METTL25: variants seen among roughly 807,000 people sequenced by gnomAD.
METTL25 encodes the protein probable methyltransferase-like protein 25.
A neutral mutation model predicts 71.6 loss-of-function variants in METTL25; 64 were observed. The observed-to-expected ratio is 0.89, with a 90% confidence interval of 0.73 to 1.10. METTL25 has a LOEUF of 1.10. Ranked by LOEUF, METTL25 falls within the 50% of genes least tolerant of loss-of-function variation. METTL25 has a pLI of 0.00. For missense variants in METTL25, 807 were observed against 707.0 expected, an observed-to-expected ratio of 1.14 and a Z score of -1.60; for synonymous variants, 287 against 250.3, an observed-to-expected ratio of 1.15 and a Z score of -1.38.
At position 82,358,552 on chromosome 12, in the gene METTL25, G is replaced by T. The variant is rs200200219; in HGVS notation, c.-14G>T. 1 of 1,607,798 alleles carries T rather than the reference G, an allele frequency of 6.2e-7. No individual in the cohort carries two copies. Among genetic ancestry groups the T allele is most frequent in the Non-Finnish European group, 8.5e-7 (1 of 1,178,824 alleles). ...CCATGTTTGCGCCACCTACAGCCTC[G>T]GAGGGTGAGCGTCATGGCGGCTTCT... On this transcript the variant is annotated 5_prime_UTR_variant, in exon 1 of 12. Transcript: ENST00000248306.
intron 5 of METTL25, among the ~76,000 whole-genome samples, chr12:82,416,203 C>G (rs1368979513): frequency 2.0e-5 from 3 of 152,050 alleles, no homozygotes; most frequent in Non-Finnish European, 4.4e-5. Context: ...TAAGTATCTC[C>G]TTTACAATTT....
intron 9 of METTL25, among the ~76,000 whole-genome samples, chr12:82,457,794 T>C (rs1891595904): frequency 6.6e-6 from 1 of 152,096 alleles, no homozygotes; most frequent in African/African-American, 2.4e-5. Context: ...TTTTATTTAG[T>C]CACTAAAATG....
At chr12:82,449,759 G>A (rs1055040962) in intron 8 of METTL25, among the ~76,000 whole-genome samples, 3 of 151,958 alleles carry the variant, frequency 2.0e-5, no homozygotes, top group Non-Finnish European at 4.4e-5. Flanking sequence ...TTTATTAAAT[G>A]AAATGGTGTA....
intron 2 of METTL25, chr12:82,388,802 G>A (rs1885302986): frequency 6.6e-6 from 1 of 152,034 alleles, no homozygotes; most frequent in African/African-American, 2.4e-5. Context: ...TGTTTACTAG[G>A]TTAGTATCTG....
At chr12:82,435,897 C>T (rs1889880296) in intron 7 of METTL25, among the ~76,000 whole-genome samples, 1 of 151,300 alleles carries the variant, frequency 6.6e-6, no homozygotes, top group Non-Finnish European at 1.5e-5. Flanking sequence ...ATCTTCTCAT[C>T]AATTGAGATA....
Position 82,419,014 on chromosome 12 carries a change from A to G in METTL25, c.1280-11879A>G, listed in dbSNP as rs536021904. Among the ~76,000 whole-genome samples the G allele has an allele frequency of 1.0e-3, 158 of 152,152 alleles. 1 individual carries two copies. Among genetic ancestry groups the G allele is most frequent in the Admixed American group, 3.5e-3 (53 of 15,254 alleles). On this transcript the variant is annotated intron_variant, in intron 5 of 11. Transcript: ENST00000248306. ...TAAAGCTGGAGAATTTAATGTCAAC[A>G]AGGGATGGTGTGATGATTTTAGAAA...
intron 9 of METTL25, chr12:82,459,848 T>C (rs1429198371): frequency 6.6e-6 from 1 of 152,216 alleles, no homozygotes; most frequent in African/African-American, 2.4e-5. Flanking sequence ...ATAAACATAC[T>C]GAGTCACCTT....
intron 11 of METTL25, among the ~76,000 whole-genome samples, chr12:82,478,473 A>C (rs928681243): frequency 6.6e-6 from 1 of 151,748 alleles, no homozygotes; most frequent in Non-Finnish European, 1.5e-5. Flanking sequence ...TAGTATATTT[A>C]AGGAATCTCT....
intron 5 of METTL25, among the ~76,000 whole-genome samples, chr12:82,430,116 T>G (rs1889366870): frequency 6.6e-6 from 1 of 150,798 alleles, no homozygotes; most frequent in Admixed American, 6.6e-5. Flanking sequence ...ATCTCGACTT[T>G]TTTTTAATTG....
intron 1 of METTL25, 29 bp downstream of exon 1, chr12:82,358,853 G>C (rs751906907): frequency 2.5e-6 from 4 of 1,573,390 alleles, no homozygotes; most frequent in Admixed American, 3.6e-5. Flanking sequence ...GGGGCGGGAA[G>C]GGAGGCGGAG....
At chr12:82,402,893 T>C (rs571923293) in intron 4 of METTL25, 90 bp from the exon 5 acceptor site, 7 of 962,824 alleles carry the variant, frequency 7.3e-6, no homozygotes, top group East Asian at 2.7e-5. Flanking sequence ...CTGGGCAACA[T>C]TGCAAGATCC....
intron 2 of METTL25, among the ~76,000 whole-genome samples, chr12:82,389,262 C>T (rs1321297363): frequency 6.6e-6 from 1 of 152,048 alleles, no homozygotes; most frequent in Admixed American, 6.6e-5. Context: ...AGAACTTCAC[C>T]TGTGGCTAGT....
At chr12:82,470,223 C>T (rs1289060373) in intron 9 of METTL25, among the ~76,000 whole-genome samples, 4 of 152,140 alleles carry the variant, frequency 2.6e-5, no homozygotes, top group East Asian at 1.9e-4. Context: ...CCAAATGTTA[C>T]ATTTCTTAGG....
chr12:82,417,689 T>C (rs755821550), intron 5 of METTL25, among the ~76,000 whole-genome samples: 37 of 152,278 alleles, frequency 2.4e-4, no homozygotes, highest in African/African-American at 6.0e-4. Context: ...CCTGCACTCA[T>C]GTGATTTACC....
chr12:82,436,663 T>G (rs1284903837), intron 7 of METTL25, among the ~76,000 whole-genome samples: 1 of 151,650 alleles, frequency 6.6e-6, no homozygotes, highest in African/African-American at 2.4e-5. Flanking sequence ...TTATGTTATC[T>G]TGTTTAAAAT....
At chr12:82,393,062 T>C (rs1158293144) in intron 3 of METTL25, among the ~76,000 whole-genome samples, 2 of 152,118 alleles carry the variant, frequency 1.3e-5, no homozygotes, top group African/African-American at 2.4e-5. Flanking sequence ...TTAAGTAGTG[T>C]GATGCCTCCA....
intron 8 of METTL25, chr12:82,451,199 A>G: frequency 1.7e-6 from 1 of 583,436 alleles, no homozygotes; most frequent in Middle Eastern, 9.0e-4. Flanking sequence ...ACCTGGGAAG[A>G]AAAGAATTTC....
intron 5 of METTL25, among the ~76,000 whole-genome samples, chr12:82,428,649 C>G (rs1196649498): frequency 6.6e-6 from 1 of 151,786 alleles, no homozygotes; most frequent in East Asian, 1.9e-4. Context: ...TGTTAATGTA[C>G]ATTTATATAG....
rs113882703 is a variant in METTL25, at chr12:82,358,780, T to C, written c.215T>C (p.Leu72Pro). ...AAGTCAGCGTCGGAGACGGAGGCCC[T>C]GCCCTCAGAGACGCGCCCCCTAGTG... ...LRKSASETEA[L>P]PSETRPLVEA... The change falls in exon 1 of 12, where the codon CTG (leucine) becomes CCG (proline). Residue 72 changes from leucine (L) to proline (P), a missense_variant. By Grantham distance (98) the Leu-to-Pro change is moderately conservative. Coordinates refer to ENST00000248306, the MANE Select transcript of METTL25 (RefSeq NM_032230.3). The C allele has an allele frequency of 2.5e-6, 4 of 1,612,822 alleles. No homozygotes were observed. Among genetic ancestry groups the C allele is most frequent in the East Asian group, 2.2e-5 (1 of 44,844 alleles).
Sources: allele counts gnomAD v4.1 joint callset (sites outside exome capture counted in the v4.1 genomes callset), GRCh38; gene constraint gnomAD v4.1.1; transcripts MANE v1.5; gene names NCBI Gene and HGNC (gene_info 2026-07-23, HGNC 2026-07-21).